The following FRAS1 variants were observed in gnomAD, a reference collection of about 807,000 sequenced individuals.
FRAS1 encodes extracellular matrix organizing protein FRAS1.
A neutral mutation model predicts 435.2 loss-of-function variants in FRAS1; 290 were observed. That is an observed-to-expected ratio of 0.67 (90% CI 0.61 to 0.73). The LOEUF is 0.73. Ranked by LOEUF, FRAS1 falls within the 30% of genes least tolerant of loss-of-function variation. The pLI is 0.00. For missense variants in FRAS1, 4,860 were observed against 5,001.5 expected (o/e 0.97, Z 0.85); for synonymous variants, 1,800 against 1,851.0 (o/e 0.97, Z 0.71).
At chr4:78,220,386 C>G (rs769955266) in intron 2 of FRAS1, among the ~76,000 whole-genome samples, 1 of 152,146 alleles carries the variant, frequency 6.6e-6, no homozygotes, top group Non-Finnish European at 1.5e-5. Flanking sequence ...GGAACATAGA[C>G]CTGCTGATTT....
In FRAS1 at chr4:78,513,373, T is replaced by A. The variant is rs1027782595; in HGVS notation, c.10014-19T>A. ...TATAGCAGTCAGCTAAACATTTATT[T>A]CTGCCTTTTTCCCCCTAGAATCCAC... is the stretch of plus-strand genomic sequence containing the variant. On this transcript the variant is annotated intron_variant, in intron 64 of 73. Transcript: ENST00000512123. The A allele has an allele frequency of 6.2e-7, 1 of 1,613,074 alleles. No individual in the cohort carries two copies. Among genetic ancestry groups the A allele is most frequent in the East Asian group, 2.2e-5 (1 of 44,868 alleles).
intron 2 of FRAS1, among the ~76,000 whole-genome samples, chr4:78,069,805 C>CTTTTTTTTTTTTTTT (rs1740244835): frequency 6.8e-6 from 1 of 147,022 alleles, no homozygotes. Context: ...TTTTTTTTAA[C>CTTTTTTTTTTTTTTT]TTACTTTACA....
At chr4:78,270,687 A>G (rs1219613718) in intron 9 of FRAS1, among the ~76,000 whole-genome samples, 1 of 152,230 alleles carries the variant, frequency 6.6e-6, no homozygotes, top group East Asian at 1.9e-4. Flanking sequence ...AGAAGTATGC[A>G]TAGTCAGTCT....
rs115643861 is a variant in FRAS1, at chr4:78,062,969, G to C, written c.77-3016G>C. 5.7e-3 allele frequency among the ~76,000 whole-genome samples: 871 copies of C among 152,180 alleles called. 9 individuals are homozygous for C. The highest frequency in any genetic ancestry group is 0.019 in the African/African-American group (782 of 41,510). On this transcript the variant is annotated intron_variant, in intron 1 of 73. Transcript: ENST00000512123. ...TTAGAGAACTACTCCTGTTGTCTCC[G>C]GTTTTTCCTCAGTTTTCCTTTGAGG...
At chr4:78,475,218 G>A (rs1719820192) in intron 53 of FRAS1, among the ~76,000 whole-genome samples, 2 of 152,236 alleles carry the variant, frequency 1.3e-5, no homozygotes, top group Non-Finnish European at 1.5e-5. Context: ...AAGCAGGGAA[G>A]ACGACATTCT....
intron 14 of FRAS1, among the ~76,000 whole-genome samples, chr4:78,298,915 T>TTA (rs1361561452): frequency 6.6e-6 from 1 of 152,126 alleles, no homozygotes; most frequent in Non-Finnish European, 1.5e-5. Context: ...ACTGAGTAAG[T>TTA]TAGTACAGTA....
At chr4:78,163,748 C>G (rs929158665) in intron 2 of FRAS1, among the ~76,000 whole-genome samples, 2 of 152,236 alleles carry the variant, frequency 1.3e-5, no homozygotes, top group African/African-American at 4.8e-5. Context: ...CATATGACTT[C>G]CTTCATAGCT....
intron 8 of FRAS1, 116 bp downstream of exon 8, chr4:78,267,051 G>A: frequency 2.2e-6 from 2 of 927,720 alleles, no homozygotes; most frequent in Non-Finnish European, 3.3e-6. Flanking sequence ...TGTTTGCAAA[G>A]TTACATAAAG....
intron 56 of FRAS1, among the ~76,000 whole-genome samples, chr4:78,480,790 T>A (rs1359935665): frequency 6.6e-6 from 1 of 152,226 alleles, no homozygotes; most frequent in Non-Finnish European, 1.5e-5. Flanking sequence ...CTGTGCTGAG[T>A]GTCTCCTGAT....
chr4:78,068,648 C>T, intron 2 of FRAS1: 1 of 455,674 alleles, frequency 2.2e-6, no homozygotes, highest in South Asian at 1.6e-5. Flanking sequence ...GTGCTTGTTT[C>T]CAGGGAAACT....
Position 78,540,725 on chromosome 4 carries a change from C to T in FRAS1, c.11640C>T (p.Gly3880=), listed in dbSNP as rs370738145. 5.6e-6 allele frequency: 9 copies of T among 1,613,770 alleles called. No individual in the cohort carries two copies. Among genetic ancestry groups the T allele is most frequent in the African/African-American group, 1.3e-5 (1 of 75,030 alleles). Residue 3880 remains glycine (G), a synonymous_variant, in exon 74 of 74, where the codon GGC becomes GGT. Transcript: ENST00000512123. ...YDNEGDQVKN[G]TNMKSLNLEM... is the part of the protein sequence containing the mutation. ...ATGAAGGAGACCAAGTCAAGAATGG[C>T]ACCAATATGAAGTCCCTGAATCTGG...
chr4:78,087,840 G>A (rs1741275480), intron 2 of FRAS1, among the ~76,000 whole-genome samples: 1 of 152,244 alleles, frequency 6.6e-6, no homozygotes, highest in African/African-American at 2.4e-5. Flanking sequence ...TGTGAAAATG[G>A]CCATACTGCC....
At chr4:78,361,269 G>C (rs1008825232) in intron 20 of FRAS1, among the ~76,000 whole-genome samples, 3 of 152,196 alleles carry the variant, frequency 2.0e-5, no homozygotes, top group South Asian at 4.1e-4. Context: ...GCATTATGTG[G>C]AAACCATACA....
At chr4:78,289,267 G>C (rs1390383506) in intron 14 of FRAS1, among the ~76,000 whole-genome samples, 1 of 144,852 alleles carries the variant, frequency 6.9e-6, no homozygotes, top group Non-Finnish European at 1.5e-5. Flanking sequence ...CTTGAGTTTA[G>C]GGGTATATGC....
Position 78,432,502 on chromosome 4 carries a change from G to C in FRAS1, c.5115G>C (p.Leu1705=). The part of the protein sequence containing the change: ...TMLEVRVEVS[L]SEDRGPRLAA... Reference sequence around the variant, plus strand: ...TGGAGGTGAGAGTAGAGGTGTCCCTGTCAGAAGACCGAGGGCCTCGACTGG... The same window carrying C: ...TGGAGGTGAGAGTAGAGGTGTCCCTCTCAGAAGACCGAGGGCCTCGACTGG... Residue 1705 remains leucine (L), a synonymous_variant, in exon 38 of 74, where the codon CTG becomes CTC. Coordinates refer to ENST00000512123, the MANE Select transcript of FRAS1 (RefSeq NM_025074.7). 6.2e-7 allele frequency: 1 copy of C among 1,613,154 alleles called. No homozygotes were observed. The highest frequency in any genetic ancestry group is 8.5e-7 in the Non-Finnish European group (1 of 1,179,556).
In FRAS1 at chr4:78,108,565, C is replaced by T. The variant is rs1278990797; in HGVS notation, c.108+42549C>T. Reference sequence around the variant, plus strand: ...TTTGAAACCAACGAGAACAAAGACACCACATGCCAGAATCTCTGGGACACA... The same window carrying T: ...TTTGAAACCAACGAGAACAAAGACATCACATGCCAGAATCTCTGGGACACA... On this transcript the variant is annotated intron_variant, in intron 2 of 73. Transcript: ENST00000512123. Among the ~76,000 whole-genome samples, 4 of 102,960 alleles carry T rather than the reference C, an allele frequency of 3.9e-5. 1 individual carries two copies. Among genetic ancestry groups the T allele is most frequent in the Admixed American group, 2.2e-4 (2 of 8,944 alleles). The allele number at this position is 102,960 out of a possible 152,430, so 67.5% of individuals were successfully genotyped here. A position where few individuals can be genotyped will look rare whatever the true frequency, so the allele number is the denominator to read the frequency against.
intron 29 of FRAS1, among the ~76,000 whole-genome samples, chr4:78,395,390 T>A (rs1236120408): frequency 6.6e-6 from 1 of 152,044 alleles, no homozygotes; most frequent in Non-Finnish European, 1.5e-5. Flanking sequence ...TTCCATAGTG[T>A]TATTCAAGTC....
intron 2 of FRAS1, among the ~76,000 whole-genome samples, chr4:78,136,211 A>G (rs1719910365): frequency 6.6e-6 from 1 of 152,206 alleles, no homozygotes; most frequent in Non-Finnish European, 1.5e-5. Context: ...AAAAAGCACA[A>G]CATTGTGAAA....
chr4:78,075,875 A>G (rs1740613084), intron 2 of FRAS1, among the ~76,000 whole-genome samples: 1 of 152,184 alleles, frequency 6.6e-6, no homozygotes, highest in African/African-American at 2.4e-5. Context: ...ATAAGTGGCA[A>G]AGGGAGTCCA....
Sources: gnomAD v4.1 joint callset for allele counts (sites outside exome capture counted in the v4.1 genomes callset) on GRCh38, gnomAD v4.1.1 for gene constraint, MANE v1.5 for transcripts, NCBI Gene and HGNC (gene_info 2026-07-23, HGNC 2026-07-21) for gene names.